SGCZ: variants seen among roughly 807,000 people sequenced by gnomAD.
SGCZ encodes the protein sarcoglycan zeta.
Under a neutral mutation model 41.3 loss-of-function variants are expected in SGCZ, and 40 were observed. That is an observed-to-expected ratio of 0.97 (90% CI 0.75 to 1.26). The LOEUF (loss-of-function observed/expected upper bound fraction) is 1.26, where lower values mean the gene tolerates loss of function less well. SGCZ is among the 50% of genes most tolerant of loss of function. The probability of loss-of-function intolerance (pLI) is 0.00; values close to 1 mark genes in which losing one functional copy is unlikely to be tolerated. For missense variants in SGCZ, 552 were observed against 369.8 expected, an observed-to-expected ratio of 1.49 and a Z score of -4.04; for synonymous variants, 206 against 137.5, an observed-to-expected ratio of 1.50 and a Z score of -3.49.
chr8:15,047,103 C>T (rs995910127), intron 1 of SGCZ, among the ~76,000 whole-genome samples: 4 of 151,930 alleles, frequency 2.6e-5, no homozygotes, highest in Admixed American at 2.6e-4. Context: ...TAATGCCTGT[C>T]CCTCCTGCAT....
chr8:15,020,459 A>G (rs1010557765), intron 1 of SGCZ, among the ~76,000 whole-genome samples: 4 of 152,024 alleles, frequency 2.6e-5, no homozygotes, highest in African/African-American at 9.7e-5. Context: ...ACATGGGTGC[A>G]TATATATATG....
chr8:14,770,115 TAATAC>T (rs2130389467), intron 1 of SGCZ, among the ~76,000 whole-genome samples: 2 of 147,298 alleles, frequency 1.4e-5, no homozygotes, highest in South Asian at 4.2e-4. Flanking sequence ...AATATTTTTA[TAATAC>T]AATAATAATT....
chr8:14,995,553 G>A (rs189722787), intron 1 of SGCZ, among the ~76,000 whole-genome samples: 1 of 152,212 alleles, frequency 6.6e-6, no homozygotes, highest in East Asian at 1.9e-4. Context: ...GTTAATTTTG[G>A]GGTTCATCCA....
chr8:15,082,850 A>G (rs1193654474), intron 1 of SGCZ, among the ~76,000 whole-genome samples: 1 of 152,114 alleles, frequency 6.6e-6, no homozygotes. Context: ...TCTAAAAATG[A>G]CCTTACTTTG....
chr8:14,417,567 G>A (rs112527403), intron 2 of SGCZ, among the ~76,000 whole-genome samples: 79 of 151,178 alleles, frequency 5.2e-4, no homozygotes, highest in Non-Finnish European at 6.2e-4. Flanking sequence ...CCTTAATTTC[G>A]TTTCTTACAT....
At chr8:15,201,348 A>C (rs1311190054) in intron 1 of SGCZ, among the ~76,000 whole-genome samples, 1 of 152,146 alleles carries the variant, frequency 6.6e-6, no homozygotes, top group African/African-American at 2.4e-5. Flanking sequence ...AGAAGAGAAG[A>C]TACACCAGGT....
chr8:14,563,802 C>T (rs1341819552), intron 1 of SGCZ, among the ~76,000 whole-genome samples: 2 of 152,024 alleles, frequency 1.3e-5, no homozygotes, highest in African/African-American at 4.8e-5. Flanking sequence ...ATCTCTAGTC[C>T]AAATTTTATC....
At chr8:14,852,968 G>A (rs1188198457) in intron 1 of SGCZ, among the ~76,000 whole-genome samples, 1 of 152,164 alleles carries the variant, frequency 6.6e-6, no homozygotes, top group East Asian at 1.9e-4. Flanking sequence ...CTGTTGAGAT[G>A]ATCAGATATA....
At chr8:14,564,970 C>T (rs1486755473) in intron 1 of SGCZ, among the ~76,000 whole-genome samples, 7 of 150,972 alleles carry the variant, frequency 4.6e-5, no homozygotes, top group African/African-American at 1.7e-4. Flanking sequence ...TTTTTTTCTA[C>T]TTGGTTTATG....
At chr8:14,535,751 A>T (rs928911769) in intron 2 of SGCZ, among the ~76,000 whole-genome samples, 1 of 151,900 alleles carries the variant, frequency 6.6e-6, no homozygotes, top group Non-Finnish European at 1.5e-5. Flanking sequence ...ATTTCTAAAG[A>T]TGTTTCTGGA....
Position 14,300,791 on chromosome 8 carries a change from G to T in SGCZ, c.336+23312C>A, listed in dbSNP as rs576364379. ...TCTTCTTTTGAGAAATTTCTATTCA[G>T]GTCCTTTGCCTATTTTCTAATCAGG... On this transcript the variant is annotated intron_variant, in intron 3 of 7. Transcript: ENST00000382080. 7.2e-5 allele frequency among the ~76,000 whole-genome samples: 11 copies of T among 151,882 alleles called. 1 individual carries two copies. The South Asian group carries it at 2.3e-3, about 32-fold the overall frequency.
At position 14,696,291 on chromosome 8, in the gene SGCZ, C is replaced by T. The variant is rs147550302; in HGVS notation, c.40-141365G>A. ...CAAATATGAGAACTTTAGGGACTAA[C>T]ACATTGAAGCGGTATCAGGATAAAA... is the stretch of plus-strand genomic sequence containing the variant. On this transcript the variant is annotated intron_variant, in intron 1 of 7. Coordinates refer to ENST00000382080, the MANE Select transcript of SGCZ (RefSeq NM_139167.4). 9.9e-5 allele frequency among the ~76,000 whole-genome samples: 15 copies of T among 152,108 alleles called. No individual in the cohort carries two copies. In the East Asian group the frequency reaches 2.5e-3, roughly 26 times the overall value.
intron 1 of SGCZ, among the ~76,000 whole-genome samples, chr8:14,621,940 G>C (rs1277481285): frequency 2.0e-5 from 3 of 151,996 alleles, no homozygotes; most frequent in Admixed American, 2.0e-4. Flanking sequence ...AAACCATACA[G>C]ACTTATGGTT....
intron 2 of SGCZ, among the ~76,000 whole-genome samples, chr8:14,473,785 A>C (rs1187177797): frequency 1.3e-5 from 2 of 151,964 alleles, no homozygotes; most frequent in African/African-American, 2.4e-5. Context: ...AAAATACAAA[A>C]AAATTAGCCA....
chr8:14,991,008 T>C (rs191041660), intron 1 of SGCZ, among the ~76,000 whole-genome samples: 1 of 152,196 alleles, frequency 6.6e-6, no homozygotes, highest in African/African-American at 2.4e-5. Context: ...TACACATGAT[T>C]GTTTATTTGC....
intron 1 of SGCZ, among the ~76,000 whole-genome samples, chr8:14,625,049 T>A (rs192329254): frequency 1.8e-3 from 278 of 152,330 alleles, no homozygotes; most frequent in Non-Finnish European, 3.2e-3. Flanking sequence ...GTTGTTTTAA[T>A]ATGTGTCTTA....
chr8:14,708,840 T>TGTGTGTG (rs1809416079), intron 1 of SGCZ, among the ~76,000 whole-genome samples: 1 of 151,810 alleles, frequency 6.6e-6, no homozygotes, highest in African/African-American at 2.4e-5. Flanking sequence ...TGTGTGTGTG[T>TGTGTGTG]ATTCAGCTTT....
intron 1 of SGCZ, among the ~76,000 whole-genome samples, chr8:14,894,995 T>C (rs1320219320): frequency 6.6e-6 from 1 of 152,152 alleles, no homozygotes; most frequent in Non-Finnish European, 1.5e-5. Context: ...CCATACATAA[T>C]GCTAAAGTTT....
intron 3 of SGCZ, among the ~76,000 whole-genome samples, chr8:14,271,052 T>C (rs1800041759): frequency 6.6e-6 from 1 of 152,124 alleles, no homozygotes; most frequent in African/African-American, 2.4e-5. Context: ...TGTTGTGAGG[T>C]GGGCGGAGCG....
Sources: gnomAD v4.1 joint callset for allele counts (sites outside exome capture counted in the v4.1 genomes callset) on GRCh38, gnomAD v4.1.1 for gene constraint, MANE v1.5 for transcripts, NCBI Gene and HGNC (gene_info 2026-07-23, HGNC 2026-07-21) for gene names.